Variants in SYCE1L observed in about 807,000 individuals in gnomAD.
The protein encoded by SYCE1L is synaptonemal complex central element protein 1-like.
Under a neutral mutation model 39.6 loss-of-function variants are expected in SYCE1L, and 51 were observed. The observed-to-expected ratio is 1.29, with a 90% CI of 1.03 to 1.63. The LOEUF is 1.63. Ranked by LOEUF, SYCE1L falls within the 40% of genes most tolerant of loss-of-function variation. The pLI is 0.00. For missense variants in SYCE1L, 426 were observed against 304.9 expected, an observed-to-expected ratio of 1.40 and a Z score of -2.96; for synonymous variants, 147 against 122.4, an observed-to-expected ratio of 1.20 and a Z score of -1.33.
chr16:77,207,367 C>T (rs756033564), intron 2 of SYCE1L, among the ~76,000 whole-genome samples: 8 of 151,994 alleles, frequency 5.3e-5, no homozygotes, highest in Non-Finnish European at 7.4e-5. Context: ...ACCTTGAAGC[C>T]AGAGAGGGAT....
rs763169184 is a variant in SYCE1L, at chr16:77,208,540, G to A, written c.256+1G>A. ...GCCCTGCATAGGGAATTAGACTCCT[G>A]TAAGTGGGGCCAAAAGAGGGACCCA... is the stretch of plus-strand genomic sequence containing the variant. On this transcript the variant is annotated splice_donor_variant, in intron 4 of 10. Coordinates refer to ENST00000378644, the MANE Select transcript of SYCE1L (RefSeq NM_001129979.3). LOFTEE classifies it high-confidence loss of function. The A allele has an allele frequency of 1.7e-5, 27 of 1,551,560 alleles. No homozygotes were observed. The South Asian group carries it at 2.7e-4, about 16-fold the overall frequency.
At chr16:77,209,071 G>A in intron 4 of SYCE1L, 26 bp from the exon 5 acceptor site, 1 of 1,551,618 alleles carries the variant, frequency 6.4e-7, no homozygotes, top group Non-Finnish European at 8.7e-7. Context: ...GTGCCTGGAG[G>A]CAGAAAGTGT....
intron 4 of SYCE1L, 102 bp from the exon 5 acceptor site, chr16:77,208,995 A>G (rs1304533537): frequency 1.6e-6 from 2 of 1,289,196 alleles, no homozygotes; most frequent in African/African-American, 2.9e-5. Flanking sequence ...CACCTCTCCT[A>G]GGGCTGTACT....
Position 77,203,972 on chromosome 16 carries a change from T to C in SYCE1L, c.62-2469T>C, listed in dbSNP as rs577644532. Among the ~76,000 whole-genome samples the C allele has an allele frequency of 2.0e-5, 3 of 152,270 alleles. No homozygotes were observed. In the East Asian group the frequency reaches 5.8e-4, roughly 29 times the overall value. ...TATTAATTATGTCCTTAAGACACAT[T>C]CCTAGGAGTGGAATTTCTGATCAAG... On this transcript the variant is annotated intron_variant, in intron 1 of 10. Coordinates refer to ENST00000378644, the MANE Select transcript of SYCE1L (RefSeq NM_001129979.3).
chr16:77,208,122 T>G, intron 2 of SYCE1L, 88 bp from the exon 3 acceptor site: 1 of 1,306,308 alleles, frequency 7.7e-7, no homozygotes, highest in South Asian at 1.4e-5. Context: ...GGTTAATTGA[T>G]AGCAGCAGAC....
At chr16:77,207,889 C>T (rs974239434) in intron 2 of SYCE1L, among the ~76,000 whole-genome samples, 6 of 152,124 alleles carry the variant, frequency 3.9e-5, no homozygotes, top group African/African-American at 1.2e-4. Context: ...AACTGCAGGA[C>T]CTGCTTCCTT....
intron 3 of SYCE1L, 80 bp from the exon 4 acceptor site, chr16:77,208,385 C>T: frequency 6.5e-7 from 1 of 1,543,242 alleles, no homozygotes; most frequent in South Asian, 1.2e-5. Context: ...TTGAAGATGA[C>T]TGTGCAATGT....
chr16:77,212,158 T>C lies in SYCE1L; in HGVS notation c.452T>C (p.Ile151Thr), dbSNP rs1328091701. 13 of 1,548,632 alleles carry C rather than the reference T, an allele frequency of 8.4e-6. No individual in the cohort carries two copies. The highest frequency in any genetic ancestry group is 1.4e-5 in the African/African-American group (1 of 72,850). ...HMLEQRLAREIRALERSKEQL... is the reference protein window; with the variant it reads ...HMLEQRLARETRALERSKEQL... Reference sequence around the variant, plus strand: ...CTGGAGCAGCGACTGGCCCGGGAGATCCGTGCCCTGGAGAGAAGCAAGGAG... The same window carrying C: ...CTGGAGCAGCGACTGGCCCGGGAGACCCGTGCCCTGGAGAGAAGCAAGGAG... The change falls in exon 8 of 11, where the codon ATC becomes ACC. Residue 151 changes from isoleucine to threonine, a missense_variant. By Grantham distance (89) the Ile-to-Thr change is moderately conservative (BLOSUM62 -1). Coordinates refer to ENST00000378644, the MANE Select transcript of SYCE1L (RefSeq NM_001129979.3).
intron 4 of SYCE1L, 40 bp from the exon 5 acceptor site, chr16:77,209,057 T>C: frequency 1.3e-6 from 2 of 1,549,876 alleles, no homozygotes; most frequent in Non-Finnish European, 1.7e-6. Context: ...GGGATGGCAA[T>C]GGGGTGCCTG....
At chr16:77,211,066 C>T (rs538857177) in intron 6 of SYCE1L, 147 bp from the exon 7 acceptor site, 18 of 815,280 alleles carry the variant, frequency 2.2e-5, no homozygotes, top group African/African-American at 1.0e-4. Flanking sequence ...AGAGGTGCTA[C>T]GGGAACCAAA....
rs935224905 is a variant in SYCE1L, at chr16:77,206,508, G to A, written c.121+8G>A. The A allele has an allele frequency of 4.5e-6, 7 of 1,551,568 alleles. No homozygotes were observed. The highest frequency in any genetic ancestry group is 6.1e-6 in the Non-Finnish European group (7 of 1,146,976). On this transcript the variant is annotated splice_region_variant and intron_variant, in intron 2 of 10. Coordinates refer to ENST00000378644, the MANE Select transcript of SYCE1L (RefSeq NM_001129979.3). ...TGATAAAGCTGCAGAAAGGTCATGTGTCTCTTTGTTTCTGAGCCTCAGCCT... is the reference window on the plus strand; with the variant it reads ...TGATAAAGCTGCAGAAAGGTCATGTATCTCTTTGTTTCTGAGCCTCAGCCT...
In SYCE1L at chr16:77,212,517, C is replaced by G. The variant is rs1366573149; in HGVS notation, c.582-57C>G. The G allele has an allele frequency of 2.6e-6, 4 of 1,538,128 alleles. No homozygotes were observed. In the South Asian group the frequency reaches 3.6e-5, roughly 14 times the overall value. On this transcript the variant is annotated intron_variant, in intron 9 of 10. Coordinates refer to ENST00000378644, the MANE Select transcript of SYCE1L (RefSeq NM_001129979.3). ...GGTCTCCGCGTCTCGGTGGCTTCCT[C>G]CTCGTCCCCTGGACTCTCGCTCTCT...
At chr16:77,212,725 C>G (rs1047483904) in intron 10 of SYCE1L, 79 bp downstream of exon 10, 1 of 1,446,800 alleles carries the variant, frequency 6.9e-7, no homozygotes, top group African/African-American at 1.5e-5. Flanking sequence ...GGGAGCGGCC[C>G]CCGAGAGTGG....
In SYCE1L at chr16:77,209,454, G is replaced by A; in HGVS notation, c.342G>A (p.Lys114=). ...TCCTCCAGATGCACTGCCAAGAGAAGGAAAGCGAGGCTCAGAGGTAAGAGG... is the reference window on the plus strand; with the variant it reads ...TCCTCCAGATGCACTGCCAAGAGAAAGAAAGCGAGGCTCAGAGGTAAGAGG... ...LRILQMHCQE[K]ESEAQRLDVR... The change falls in exon 6 of 11, where the codon AAG becomes AAA. Residue 114 remains lysine (K), a synonymous_variant. Transcript: ENST00000378644. The A allele has an allele frequency of 6.4e-7, 1 of 1,551,766 alleles. No homozygotes were observed. Among genetic ancestry groups the A allele is most frequent in the Non-Finnish European group, 8.7e-7 (1 of 1,147,024 alleles).
At position 77,213,177 on chromosome 16, in the gene SYCE1L, G is replaced by T. The variant is rs1192581313; in HGVS notation, c.*246G>T. 2.5e-6 allele frequency: 1 copy of T among 395,292 alleles called. No individual in the cohort carries two copies. The allele number at this position is 395,292 out of a possible 1,614,324, so 24.5% of individuals were successfully genotyped here. A position where few individuals can be genotyped will look rare whatever the true frequency, so the allele number is the denominator to read the frequency against. On this transcript the variant is annotated 3_prime_UTR_variant, in exon 11 of 11. Transcript: ENST00000378644. ...GAGTAAGTGGGTGTCAGTATCCCCC[G>T]CCCCACGGCCTCATCTCGAGTTCCC...
At chr16:77,209,019 G>C in intron 4 of SYCE1L, 78 bp from the exon 5 acceptor site, 1 of 1,467,396 alleles carries the variant, frequency 6.8e-7, no homozygotes, top group Non-Finnish European at 9.3e-7. Context: ...CCTTCTGTGT[G>C]GCTTTCCCCT....
chr16:77,207,830 T>G (rs1383664823), intron 2 of SYCE1L, among the ~76,000 whole-genome samples: 2 of 152,192 alleles, frequency 1.3e-5, no homozygotes. Flanking sequence ...TCTGCCTTGT[T>G]GCACTCTGCC....
chr16:77,212,455 G>A, intron 9 of SYCE1L, 86 bp downstream of exon 9: 6 of 1,538,124 alleles, frequency 3.9e-6, no homozygotes, highest in Non-Finnish European at 5.3e-6. Flanking sequence ...GCCCCCGACT[G>A]CCGCTTCCCC....
chr16:77,212,679 C>T (rs1390505243), intron 10 of SYCE1L, 33 bp downstream of exon 10: 6 of 1,518,712 alleles, frequency 4.0e-6, no homozygotes, highest in East Asian at 2.5e-5. Flanking sequence ...GCGGGGCGGG[C>T]AGGGACCGAG....
Sources: gnomAD v4.1 joint callset for allele counts (sites outside exome capture counted in the v4.1 genomes callset) on GRCh38, gnomAD v4.1.1 for gene constraint, MANE v1.5 for transcripts, NCBI Gene and HGNC (gene_info 2026-07-23, HGNC 2026-07-21) for gene names.